SEC61A1: variants seen among roughly 807,000 people sequenced by gnomAD.
The protein encoded by SEC61A1 is SEC61 translocon subunit alpha 1, also known as protein transport protein Sec61 subunit alpha isoform 1.
Under a neutral mutation model 55.2 loss-of-function variants are expected in SEC61A1, and 15 were observed. The observed-to-expected ratio is 0.27, with a 90% CI of 0.18 to 0.42. The LOEUF (loss-of-function observed/expected upper bound fraction) is 0.42. SEC61A1 is among the 10% of genes least tolerant of loss of function. The pLI is 1.00. For missense variants in SEC61A1, 284 were observed against 602.6 expected, an observed-to-expected ratio of 0.47 and a Z score of 5.53; for synonymous variants, 247 against 234.0, an observed-to-expected ratio of 1.06 and a Z score of -0.51.
intron 2 of SEC61A1, 94 bp downstream of exon 2, chr3:128,052,996 A>C: frequency 1.1e-6 from 1 of 893,506 alleles, no homozygotes; most frequent in Non-Finnish European, 1.8e-6. Context: ...CAGCACGGCA[A>C]TGGAAACTCT....
In SEC61A1 at chr3:128,063,824, G is replaced by T. The variant is rs61317516; in HGVS notation, c.617-1053G>T. Among the ~76,000 whole-genome samples, 133 of 152,132 alleles carry T rather than the reference G, an allele frequency of 8.7e-4. 1 individual carries two copies. The highest frequency in any genetic ancestry group is 3.1e-3 in the African/African-American group (129 of 41,496). ...AGGTTATCACTTGTTTCTTTTTTTC[G>T]CTTTTTAGTTTTTTAACGTAAGTAA... On this transcript the variant is annotated intron_variant, in intron 7 of 11. Coordinates refer to ENST00000243253, the MANE Select transcript of SEC61A1 (RefSeq NM_013336.4).
chr3:128,067,186 AGC>A lies in SEC61A1; in HGVS notation c.975+36_975+37del. ...CTCTTTGAAGATGAGCTAGCAATGC[AGC>A]TAAGTTGCAGTGGTTTCTATCAGTG... On this transcript the variant is annotated intron_variant, in intron 9 of 11. Transcript: ENST00000243253. The surrounding 1 kb of genome is among the most constrained non-coding windows in gnomAD (Gnocchi z 4.1). 6.3e-7 allele frequency: 1 copy of A among 1,589,922 alleles called. No individual in the cohort carries two copies. The highest frequency in any genetic ancestry group is 8.6e-7 in the Non-Finnish European group (1 of 1,158,066).
chr3:128,052,440 G>A lies in SEC61A1; in HGVS notation c.-113G>A, dbSNP rs1941699222. ...CGCTTGCCGCCGGGCTAGCACTGAC[G>A]TGTCTCTCGGCGGAGCTGCTGTGCA... On this transcript the variant is annotated 5_prime_UTR_variant, in exon 1 of 12. The change creates a new upstream start codon in the 5' untranslated region. Coordinates refer to ENST00000243253, the MANE Select transcript of SEC61A1 (RefSeq NM_013336.4). 7.0e-7 allele frequency: 1 copy of A among 1,419,786 alleles called. No individual in the cohort carries two copies. The highest frequency in any genetic ancestry group is 9.2e-7 in the Non-Finnish European group (1 of 1,083,854). 87.9% of individuals were successfully genotyped at this position (1,419,786 alleles called of 1,614,324 possible).
intron 5 of SEC61A1, among the ~76,000 whole-genome samples, chr3:128,058,764 G>A (rs558941536): frequency 2.6e-5 from 4 of 152,152 alleles, no homozygotes; most frequent in Admixed American, 1.3e-4. Context: ...TACTAGGGAG[G>A]CTGAGGTGGG....
intron 5 of SEC61A1, 32 bp downstream of exon 5, chr3:128,056,872 T>C (rs1315436415): frequency 6.9e-7 from 1 of 1,443,046 alleles, no homozygotes; most frequent in Non-Finnish European, 9.2e-7. Flanking sequence ...CTGATGTCTA[T>C]AGTTGGAAAA....
intron 4 of SEC61A1, 91 bp from the exon 5 acceptor site, chr3:128,056,618 G>A (rs956605909): frequency 8.5e-7 from 1 of 1,182,590 alleles, no homozygotes; most frequent in Non-Finnish European, 1.1e-6. Context: ...TATATAAGGG[G>A]TACCCAGTCA....
chr3:128,065,907 A>G (rs1941962566), intron 8 of SEC61A1, among the ~76,000 whole-genome samples: 1 of 151,514 alleles, frequency 6.6e-6, no homozygotes, highest in East Asian at 1.9e-4. Flanking sequence ...ACGCCCGGCT[A>G]ATTTTTTTTT....
In SEC61A1 at chr3:128,071,539, CCA is replaced by C. The variant is rs1942167708; in HGVS notation, c.*1881_*1882del. 6.6e-6 allele frequency: 1 copy of C among 152,656 alleles called. No homozygotes were observed. The highest frequency in any genetic ancestry group is 1.5e-5 in the Non-Finnish European group (1 of 68,074). 9.5% of individuals were successfully genotyped at this position (152,656 alleles called of 1,614,324 possible). On this transcript the variant is annotated 3_prime_UTR_variant, in exon 12 of 12. Coordinates refer to ENST00000243253, the MANE Select transcript of SEC61A1 (RefSeq NM_013336.4). The stretch of plus-strand genomic sequence containing the variant: ...AACCATCGGCTGGGCCCTGCAAGGC[CCA>C]CACTCACGCCCTGTGGGTGATGGTC...
rs2107656797 is a variant in SEC61A1, at chr3:128,071,093, C to T, written c.*1431C>T. 6.6e-6 allele frequency: 1 copy of T among 152,508 alleles called. No individual in the cohort carries two copies. The highest frequency in any genetic ancestry group is 2.4e-5 in the African/African-American group (1 of 41,574). 9.4% of individuals were successfully genotyped at this position (152,508 alleles called of 1,614,324 possible). ...CACGGCAGCCTGCAAAGCACAGGGC[C>T]ACCGCCACAGCCCGGCAGAGGGGCA... On this transcript the variant is annotated 3_prime_UTR_variant, in exon 12 of 12. Transcript: ENST00000243253.
At chr3:128,058,907 T>C (rs1410580703) in intron 5 of SEC61A1, among the ~76,000 whole-genome samples, 1 of 152,218 alleles carries the variant, frequency 6.6e-6, no homozygotes, top group Non-Finnish European at 1.5e-5. Context: ...AAATTGGCTG[T>C]TTTCTCTTTG....
At chr3:128,052,019 G>A (rs377748619), upstream of SEC61A1, 391 of 855,380 alleles carry the variant, frequency 4.6e-4, 2 homozygotes, top group Middle Eastern at 8.2e-3. Context: ...GGGAGCTTAC[G>A]GTCTATTCAC....
intron 2 of SEC61A1, among the ~76,000 whole-genome samples, chr3:128,053,432 CAAGG>C (rs897613371): frequency 2.4e-4 from 36 of 152,284 alleles, no homozygotes; most frequent in African/African-American, 8.7e-4. Context: ...TGTATTAAAA[CAAGG>C]AAAGATTAAA....
rs1209424866 is a variant in SEC61A1, at chr3:128,071,479, T to G, written c.*1817T>G. 6.6e-6 allele frequency: 1 copy of G among 152,602 alleles called. No individual in the cohort carries two copies. The highest frequency in any genetic ancestry group is 1.5e-5 in the Non-Finnish European group (1 of 68,070). The allele number at this position is 152,602 out of a possible 1,614,324, so 9.5% of individuals were successfully genotyped here. A position where few individuals can be genotyped will look rare whatever the true frequency, so the allele number is the denominator to read the frequency against. The stretch of plus-strand genomic sequence containing the variant: ...GCAGGGGGCTGGAAGGCACCAGGCC[T>G]CAGGAGGAGCCCCATAGTCCCGCCT... On this transcript the variant is annotated 3_prime_UTR_variant, in exon 12 of 12. Transcript: ENST00000243253.
upstream of SEC61A1, chr3:128,051,919 CA>C: frequency 6.5e-7 from 1 of 1,530,838 alleles, no homozygotes; most frequent in Non-Finnish European, 8.8e-7. Context: ...CGGTAAGCCC[CA>C]CCAGCCCGCG....
At chr3:128,055,217 A>T (rs534264647) in intron 2 of SEC61A1, among the ~76,000 whole-genome samples, 91 of 152,170 alleles carry the variant, frequency 6.0e-4, no homozygotes, top group Non-Finnish European at 1.0e-3. Flanking sequence ...TCACTTTAGC[A>T]TTGGGGTTTG....
chr3:128,058,703 AAAC>A (rs1368529145), intron 5 of SEC61A1, among the ~76,000 whole-genome samples: 5 of 152,128 alleles, frequency 3.3e-5, no homozygotes, highest in African/African-American at 4.8e-5. Context: ...CATCTCTACA[AAAC>A]AACAACAACA....
chr3:128,067,909 G>C lies in SEC61A1; in HGVS notation c.1168-74G>C. 1 of 1,183,166 alleles carries C rather than the reference G, an allele frequency of 8.5e-7. No homozygotes were observed. The highest frequency in any genetic ancestry group is 1.3e-6 in the Non-Finnish European group (1 of 788,644). The allele number at this position is 1,183,166 out of a possible 1,614,324, so 73.3% of individuals were successfully genotyped here. A position where few individuals can be genotyped will look rare whatever the true frequency, so the allele number is the denominator to read the frequency against. On this transcript the variant is annotated intron_variant, in intron 10 of 11. Transcript: ENST00000243253. The surrounding 1 kb of genome is among the most constrained non-coding windows in gnomAD (Gnocchi z 4.1). ...GTGCTCGAAGAGGCGATCTGTAACT[G>C]TTCAGTACCACTTGGAATGCCTATT...
chr3:128,058,904 C>T (rs1559795301), intron 5 of SEC61A1, among the ~76,000 whole-genome samples: 1 of 152,190 alleles, frequency 6.6e-6, no homozygotes, highest in South Asian at 2.1e-4. Flanking sequence ...CACAAATTGG[C>T]TGTTTTCTCT....
Position 128,069,706 on chromosome 3 carries a change from T to C in SEC61A1, c.*44T>C. On this transcript the variant is annotated 3_prime_UTR_variant, in exon 12 of 12. Transcript: ENST00000243253. ...TTGAGGAAGCTGCTCCAGAAGCGCC[T>C]CGGAAGGGGAGCTCTCATCATGGCG... 1 of 1,567,320 alleles carries C rather than the reference T, an allele frequency of 6.4e-7. No individual in the cohort carries two copies. Among genetic ancestry groups the C allele is most frequent in the Non-Finnish European group, 8.8e-7 (1 of 1,140,708 alleles).
Sources: allele counts gnomAD v4.1 joint callset (sites outside exome capture counted in the v4.1 genomes callset), GRCh38; gene constraint gnomAD v4.1.1; non-coding constraint Gnocchi (gnomAD v3.1); transcripts MANE v1.5; gene names NCBI Gene and HGNC (gene_info 2026-07-23, HGNC 2026-07-21).